The following HNRNPU variants were observed in gnomAD, a reference collection of about 807,000 sequenced individuals.
HNRNPU encodes the protein HNRNPU antisense RNA 1.
A neutral mutation model predicts 94.7 loss-of-function variants in HNRNPU; 5 were observed. The observed-to-expected ratio is 0.05, with a 90% CI of 0.03 to 0.11. HNRNPU has a LOEUF of 0.11. Among genes scored for constraint, HNRNPU ranks in the 10% least tolerant of loss-of-function variants. HNRNPU has a pLI of 1.00. For synonymous variants in HNRNPU, 434 were observed against 381.6 expected (o/e 1.14, Z -1.60); for missense variants, 710 against 1,049.2 (o/e 0.68, Z 4.47).
chr1:244,854,585 T>A (rs1680627384), intron 13 of HNRNPU, 82 bp from the exon 14 acceptor site: 3 of 924,698 alleles, frequency 3.2e-6, no homozygotes, highest in Non-Finnish European at 5.3e-6. Context: ...ATGAATCTAA[T>A]TCAGAGTAAT....
intron 11 of HNRNPU, 59 bp downstream of exon 11, chr1:244,855,843 CTA>C: frequency 1.3e-6 from 2 of 1,576,208 alleles, no homozygotes. Context: ...TACATCCAAA[CTA>C]TAAAATTATC....
intron 13 of HNRNPU, 184 bp downstream of exon 13, chr1:244,854,789 G>T: frequency 1.9e-6 from 1 of 513,590 alleles, no homozygotes; most frequent in Non-Finnish European, 3.4e-6. Flanking sequence ...TTAACTTATA[G>T]CAATCTTCAA....
In HNRNPU at chr1:244,862,729, C is replaced by T. The variant is rs774984143; in HGVS notation, c.693G>A (p.Gly231=). The T allele has an allele frequency of 6.2e-7, 1 of 1,611,304 alleles. No homozygotes were observed. Among genetic ancestry groups the T allele is most frequent in the East Asian group, 2.2e-5 (1 of 44,860 alleles). Residue 231 remains glycine (G), a splice_region_variant and synonymous_variant, in exon 2 of 14, where the codon GGG becomes GGA. Transcript: ENST00000640218. The part of the protein sequence containing the change: ...GGGRPGAPAA[G]DGKTEQKGGD... ...CGCCTTTCTGTTCTGTTTTGCCGTC[C>T]CCTAAAACACACACGAGCCCCATAA...
In HNRNPU at chr1:244,852,541, T is replaced by C. The variant is rs1680575439; in HGVS notation, c.*1909A>G. The C allele has an allele frequency of 6.6e-6, 1 of 152,186 alleles. No individual in the cohort carries two copies. Among genetic ancestry groups the C allele is most frequent in the Non-Finnish European group, 1.5e-5 (1 of 68,024 alleles). The allele number at this position is 152,186 out of a possible 1,614,324, so 9.4% of individuals were successfully genotyped here. A position where few individuals can be genotyped will look rare whatever the true frequency, so the allele number is the denominator to read the frequency against. On this transcript the variant is annotated 3_prime_UTR_variant, in exon 14 of 14. Transcript: ENST00000640218. ...TCTATGCAATCCTAATAATGTATAC[T>C]GAAGAGTAGTAGCTCAGGCCAGTGG...
At chr1:244,862,341 C>G (rs893911907) in intron 3 of HNRNPU, 120 bp downstream of exon 3, 13 of 664,996 alleles carry the variant, frequency 2.0e-5, no homozygotes, top group Non-Finnish European at 3.4e-5. Context: ...CCATTATCTT[C>G]CTGCTTTTAA....
chr1:244,855,514 A>G lies in HNRNPU; in HGVS notation c.2262T>C (p.Pro754=). The G allele has an allele frequency of 6.2e-7, 1 of 1,614,054 alleles. No individual in the cohort carries two copies. The highest frequency in any genetic ancestry group is 1.3e-5 in the African/African-American group (1 of 75,006). ...GGSGGIGYPY[P]RAPVFPGRGS... is the part of the protein sequence containing the mutation. The stretch of plus-strand genomic sequence containing the variant: ...CACGGCCAGGAAAAACAGGGGCACG[A>G]GGGTATGGATAGCCGATTCCACCAC... Residue 754 remains proline, a synonymous_variant, in exon 12 of 14, where the codon CCT becomes CCC. Transcript: ENST00000640218.
At position 244,862,501 on chromosome 1, in the gene HNRNPU, T is replaced by A. The variant is rs538951206; in HGVS notation, c.837A>T (p.Glu279Asp). 1.8e-5 allele frequency: 29 copies of A among 1,613,890 alleles called. No homozygotes were observed. The highest frequency in any genetic ancestry group is 6.7e-5 in the African/African-American group (5 of 75,008). The stretch of plus-strand genomic sequence containing the variant: ...CCACTGTGTCATCGAAGTGTTCATC[T>A]TCTTCTTCAACAGGTGGCTGAGGAG... ...AKSPQPPVEEEDEHFDDTVVC... is the reference protein window; with the variant it reads ...AKSPQPPVEEDDEHFDDTVVC... The change falls in exon 3 of 14, where the codon GAA (glutamate) becomes GAT (aspartate). Residue 279 changes from glutamate to aspartate, a missense_variant. Glu to Asp is a conservative substitution (Grantham distance 45). Coordinates refer to ENST00000640218, the MANE Select transcript of HNRNPU (RefSeq NM_031844.3).
At chr1:244,863,308 G>A (rs1340534067) in intron 1 of HNRNPU, among the ~76,000 whole-genome samples, 1 of 142,630 alleles carries the variant, frequency 7.0e-6, no homozygotes, top group Non-Finnish European at 1.5e-5. Context: ...GCTCCCTCCC[G>A]CCGCCCGCCC....
intron 6 of HNRNPU, 157 bp from the exon 7 acceptor site, chr1:244,858,431 G>A (rs1395024800): frequency 3.0e-6 from 2 of 661,066 alleles, no homozygotes; most frequent in Non-Finnish European, 5.1e-6. Context: ...GAAATCTGAT[G>A]GTTGTAAACC....
intron 5 of HNRNPU, 49 bp downstream of exon 5, chr1:244,859,226 G>C: frequency 1.1e-6 from 1 of 931,070 alleles, no homozygotes; most frequent in Non-Finnish European, 1.8e-6. Context: ...ACTGAAATCA[G>C]ACCCTCCTGA....
rs1014916366 is a variant in HNRNPU at position 244,851,340 on chromosome 1, G to C, written c.*3110C>G. The C allele has an allele frequency of 1.3e-5, 2 of 152,090 alleles. No individual in the cohort carries two copies. The highest frequency in any genetic ancestry group is 1.3e-4 in the Admixed American group (2 of 15,260). The allele number at this position is 152,090 out of a possible 1,614,324, so 9.4% of individuals were successfully genotyped here. Reference sequence around the variant, plus strand: ...TGCCTAAGAAGCTATTAAAATATTTGTATTTGTGCAATGGAACCCATTATT... The same window carrying C: ...TGCCTAAGAAGCTATTAAAATATTTCTATTTGTGCAATGGAACCCATTATT... On this transcript the variant is annotated 3_prime_UTR_variant, in exon 14 of 14. Coordinates refer to ENST00000640218, the MANE Select transcript of HNRNPU (RefSeq NM_031844.3).
intron 3 of HNRNPU, 53 bp downstream of exon 3, chr1:244,862,408 A>AAC (rs1680860672): frequency 3.9e-6 from 5 of 1,280,662 alleles, no homozygotes; most frequent in Non-Finnish European, 5.4e-6. Flanking sequence ...AAAAAAAAAA[A>AAC]AAAAAACCAC....
chr1:244,864,540 C>G lies in HNRNPU; in HGVS notation c.-233G>C, dbSNP rs997863527. Reference sequence around the variant, plus strand: ...CCTGGCGCGAGCGAGCACGCAACGTCCTCTCGCAGGAGCGGCGCCGCGCAC... The same window carrying G: ...CCTGGCGCGAGCGAGCACGCAACGTGCTCTCGCAGGAGCGGCGCCGCGCAC... On this transcript the variant is annotated 5_prime_UTR_variant, in exon 1 of 14. Coordinates refer to ENST00000640218, the MANE Select transcript of HNRNPU (RefSeq NM_031844.3). 1 of 597,754 alleles carries G rather than the reference C, an allele frequency of 1.7e-6. No individual in the cohort carries two copies. Among genetic ancestry groups the G allele is most frequent in the African/African-American group, 2.0e-5 (1 of 50,170 alleles). The allele number at this position is 597,754 out of a possible 1,614,324, so 37.0% of individuals were successfully genotyped here.
chr1:244,864,448 G>C lies in HNRNPU; in HGVS notation c.-141C>G, dbSNP rs185164697. 1.6e-5 allele frequency: 22 copies of C among 1,407,808 alleles called. No homozygotes were observed. Among genetic ancestry groups the C allele is most frequent in the Middle Eastern group, 2.0e-4 (1 of 4,898 alleles). 87.2% of individuals were successfully genotyped at this position (1,407,808 alleles called of 1,614,324 possible). On this transcript the variant is annotated 5_prime_UTR_variant, in exon 1 of 14. Transcript: ENST00000640218. ...TGGAGATGGGTTCGTGCTGCAGAGC[G>C]GATCCGCCTGGTGTCGAACGGCGCC...
At position 244,864,062 on chromosome 1, in the gene HNRNPU, G is replaced by A. The variant is rs1680933582; in HGVS notation, c.246C>T (p.Gly82=). 3.1e-6 allele frequency: 5 copies of A among 1,602,756 alleles called. No homozygotes were observed. Among genetic ancestry groups the A allele is most frequent in the Admixed American group, 1.7e-5 (1 of 58,500 alleles). ...AGLEQEAAAG[G]DEEEEEEEEE... ...CTTCCTCTTCCTCCTCCTCTTCATC[G>A]CCGCCGGCCGCGGCCTCCTGCTCGA... The change falls in exon 1 of 14, where the codon GGC becomes GGT. Residue 82 remains glycine (G), a synonymous_variant. Transcript: ENST00000640218.
rs1399331272 is a variant in HNRNPU, at chr1:244,863,674, C to T, written c.634G>A (p.Gly212Ser). The change falls in exon 1 of 14, where the codon GGT becomes AGT. Residue 212 changes from glycine (G) to serine (S), a missense_variant. Around this residue, in one of 8 missense-constraint regions of HNRNPU, gnomAD observed 292 missense variants for 293.4 expected, o/e 1.00. Coordinates refer to ENST00000640218, the MANE Select transcript of HNRNPU (RefSeq NM_031844.3). ...CCGCCGCCTTCCGCCTTCTTCTTAC[C>T]TCCCGCCTGCTGCTGGCCCTGCCTC... ...GARQGQQQAGGKKKAEGGGGG... is the reference protein window; with the variant it reads ...GARQGQQQAGSKKKAEGGGGG... 1.3e-6 allele frequency: 2 copies of T among 1,562,822 alleles called. No individual in the cohort carries two copies. Among genetic ancestry groups the T allele is most frequent in the South Asian group, 1.1e-5 (1 of 87,680 alleles).
At position 244,864,086 on chromosome 1, in the gene HNRNPU, G is replaced by A; in HGVS notation, c.222C>T (p.Leu74=). The A allele has an allele frequency of 6.3e-7, 1 of 1,598,818 alleles. No homozygotes were observed. Residue 74 remains leucine (L), a synonymous_variant, in exon 1 of 14, where the codon CTC becomes CTT. Coordinates refer to ENST00000640218, the MANE Select transcript of HNRNPU (RefSeq NM_031844.3). ...GDSAGRSGAG[L]EQEAAAGGDE... ...CGCCGCCGGCCGCGGCCTCCTGCTC[G>A]AGGCCTGCTCCCGAGCGCCCAGCGG... is the stretch of plus-strand genomic sequence containing the variant.
At chr1:244,859,856 G>T (rs1016855794) in intron 4 of HNRNPU, 5 of 156,260 alleles carry the variant, frequency 3.2e-5, no homozygotes, top group African/African-American at 1.2e-4. Context: ...TAATTTACAG[G>T]AAGCTTCAAA....
Position 244,855,515 on chromosome 1 carries a change from G to C in HNRNPU, c.2261C>G (p.Pro754Arg). 6.2e-7 allele frequency: 1 copy of C among 1,614,034 alleles called. No individual in the cohort carries two copies. Among genetic ancestry groups the C allele is most frequent in the Non-Finnish European group, 8.5e-7 (1 of 1,179,940 alleles). Residue 754 changes from proline (P) to arginine (R), a missense_variant, in exon 12 of 14, where the codon CCT becomes CGT. Transcript: ENST00000640218. ...ACGGCCAGGAAAAACAGGGGCACGA[G>C]GGTATGGATAGCCGATTCCACCACT... ...GGSGGIGYPYPRAPVFPGRGS... is the reference protein window; with the variant it reads ...GGSGGIGYPYRRAPVFPGRGS...
Sources: gnomAD v4.1 joint callset for allele counts (sites outside exome capture counted in the v4.1 genomes callset) on GRCh38, gnomAD v4.1.1 for gene constraint, gnomAD v4.1.1 regional missense constraint, MANE v1.5 for transcripts, NCBI Gene and HGNC (gene_info 2026-07-23, HGNC 2026-07-21) for gene names.